The following SRGAP3 variants were observed in gnomAD, a reference collection of about 807,000 sequenced individuals.
SRGAP3 encodes the protein SLIT-ROBO Rho GTPase-activating protein 3.
Under a neutral mutation model 121.1 loss-of-function variants are expected in SRGAP3, and 39 were observed. That is an observed-to-expected ratio of 0.32 (90% CI 0.25 to 0.42). SRGAP3 has a LOEUF of 0.42. SRGAP3 is among the 10% of genes least tolerant of loss of function. The probability of loss-of-function intolerance (pLI) is 1.00; values close to 1 mark genes in which losing one functional copy is unlikely to be tolerated. For synonymous variants in SRGAP3, 601 were observed against 570.0 expected, an observed-to-expected ratio of 1.05 and a Z score of -0.77; for missense variants, 1,213 against 1,470.6, an observed-to-expected ratio of 0.82 and a Z score of 2.86.
At chr3:9,007,075 C>T (rs1274169074) in intron 18 of SRGAP3, 1 of 151,014 alleles carries the variant, frequency 6.6e-6, no homozygotes, top group African/African-American at 2.4e-5. Flanking sequence ...AATTCTCCCA[C>T]TTCAGCCTCC....
rs115934898 is a variant in SRGAP3, at chr3:8,983,187, C to T, written c.*2332G>A. 4,081 of 226,960 alleles carry T rather than the reference C, an allele frequency of 0.018. 59 individuals are homozygous for T. Among genetic ancestry groups the T allele is most frequent in the Non-Finnish European group, 0.022 (2,496 of 114,240 alleles). The allele number at this position is 226,960 out of a possible 1,614,324, so 14.1% of individuals were successfully genotyped here. On this transcript the variant is annotated 3_prime_UTR_variant, in exon 22 of 22. Transcript: ENST00000383836. Reference sequence around the variant, plus strand: ...CTTTAAGAGCCTGACGCAGCCTCTGCTCCTAGCCAGTGTCAAATCTTGGGC... The same window carrying T: ...CTTTAAGAGCCTGACGCAGCCTCTGTTCCTAGCCAGTGTCAAATCTTGGGC...
At chr3:9,274,076 ACTT>A (rs1166155417) in intron 3 of SRGAP3, among the ~76,000 whole-genome samples, 1 of 152,100 alleles carries the variant, frequency 6.6e-6, no homozygotes, top group Non-Finnish European at 1.5e-5. Context: ...AAGACTTTAC[ACTT>A]CTTGAGAGCA....
intron 14 of SRGAP3, among the ~76,000 whole-genome samples, 157 bp downstream of exon 14, chr3:9,025,104 C>CA (rs1023048218): frequency 6.6e-6 from 1 of 152,146 alleles, no homozygotes; most frequent in Non-Finnish European, 1.5e-5. Context: ...AGTACCAGGA[C>CA]AAAGGCACTG....
At chr3:9,033,734 T>C (rs1253300926) in intron 11 of SRGAP3, 1 of 152,268 alleles carries the variant, frequency 6.6e-6, no homozygotes, top group African/African-American at 2.4e-5. Context: ...CAAGTACATT[T>C]TCAATTAAAG....
At chr3:9,044,389 G>C (rs1357567453) in intron 10 of SRGAP3, among the ~76,000 whole-genome samples, 1 of 152,218 alleles carries the variant, frequency 6.6e-6, no homozygotes, top group Non-Finnish European at 1.5e-5. Context: ...AGGACAAAGG[G>C]AGGAATCACA....
rs1944831896 is a variant in SRGAP3 at position 9,037,857 on chromosome 3, G to A, written c.1436+206C>T. ...CCCAAAAGCGCCCCTTCCATCGCCA[G>A]CCTGGAGGGGCGTGGCTTTGTCAGT... On this transcript the variant is annotated intron_variant, in intron 11 of 21. Coordinates refer to ENST00000383836, the MANE Select transcript of SRGAP3 (RefSeq NM_014850.4). 1.5e-5 allele frequency: 10 copies of A among 662,534 alleles called. No individual in the cohort carries two copies. The South Asian group carries it at 1.9e-4, about 12-fold the overall frequency. 41.0% of individuals were successfully genotyped at this position (662,534 alleles called of 1,614,324 possible).
At chr3:9,083,573 G>T (rs751258539) in intron 3 of SRGAP3, among the ~76,000 whole-genome samples, 2 of 152,010 alleles carry the variant, frequency 1.3e-5, no homozygotes, top group Admixed American at 6.5e-5. Context: ...TTGCACAGCT[G>T]CTTGGGATTC....
intron 3 of SRGAP3, among the ~76,000 whole-genome samples, chr3:9,318,275 G>T (rs1955381762): frequency 6.7e-6 from 1 of 150,220 alleles, no homozygotes; most frequent in Non-Finnish European, 1.5e-5. Context: ...CTCCAGCCCA[G>T]CACCCTTTCT....
rs377445818 is a variant in SRGAP3, at chr3:9,053,120, G to A, written c.1230C>T (p.Ser410=). 4.0e-5 allele frequency: 65 copies of A among 1,614,028 alleles called. No homozygotes were observed. The highest frequency in any genetic ancestry group is 1.6e-4 in the Middle Eastern group (1 of 6,072). The part of the protein sequence containing the change: ...DAFQHSRSTE[S]VKSAASETYM... ...AGGTCTCAGAGGCAGCCGACTTGAC[G>A]GACTCTGTCGATCGACTGTGTTGGA... Residue 410 remains serine (S), a synonymous_variant, in exon 9 of 22, where the codon TCC becomes TCT. Transcript: ENST00000383836.
At chr3:9,070,514 G>T (rs1946651267) in intron 4 of SRGAP3, among the ~76,000 whole-genome samples, 2 of 152,346 alleles carry the variant, frequency 1.3e-5, no homozygotes, top group Non-Finnish European at 2.9e-5. Flanking sequence ...ATGAATGAAT[G>T]ACTGGCTGGG....
chr3:9,342,935 G>T (rs1212401194), intron 1 of SRGAP3, among the ~76,000 whole-genome samples: 1 of 152,198 alleles, frequency 6.6e-6, no homozygotes, highest in Non-Finnish European at 1.5e-5. Context: ...TGTCCAACTG[G>T]TCATTCTTGC....
intron 1 of SRGAP3, among the ~76,000 whole-genome samples, chr3:9,160,375 C>T (rs903951405): frequency 1.3e-5 from 2 of 152,128 alleles, no homozygotes; most frequent in Admixed American, 6.5e-5. Context: ...GTGGACTCCT[C>T]CTTATTTTTT....
At chr3:9,134,528 G>A (rs945518806) in intron 1 of SRGAP3, among the ~76,000 whole-genome samples, 4 of 151,888 alleles carry the variant, frequency 2.6e-5, no homozygotes, top group Admixed American at 2.0e-4. Context: ...CCTCTTCTAC[G>A]GATGAAGCAA....
chr3:9,094,123 T>C (rs954975212), intron 3 of SRGAP3, among the ~76,000 whole-genome samples: 13 of 152,232 alleles, frequency 8.5e-5, no homozygotes, highest in Non-Finnish European at 1.6e-4. Flanking sequence ...ATTCTGACAC[T>C]GCTGTGTATT....
chr3:9,103,963 G>T lies in SRGAP3; in HGVS notation c.423+717C>A, dbSNP rs561483333. On this transcript the variant is annotated intron_variant, in intron 3 of 21. Coordinates refer to ENST00000383836, the MANE Select transcript of SRGAP3 (RefSeq NM_014850.4). Reference sequence around the variant, plus strand: ...TACTTTCGACTCTAAAATTCCCACTGCAGAAACTGATCCTAAGAAAGTAAC... The same window carrying T: ...TACTTTCGACTCTAAAATTCCCACTTCAGAAACTGATCCTAAGAAAGTAAC... 2.8e-4 allele frequency among the ~76,000 whole-genome samples: 42 copies of T among 152,306 alleles called. No homozygotes were observed. The East Asian group carries it at 3.1e-3, about 11-fold the overall frequency.
chr3:9,195,959 A>C (rs748880424), intron 1 of SRGAP3, among the ~76,000 whole-genome samples: 4 of 152,180 alleles, frequency 2.6e-5, no homozygotes, highest in Admixed American at 1.3e-4. Flanking sequence ...CTGTCTCCAA[A>C]AAAAACAACA....
At chr3:9,356,191 T>C (rs941671402) in intron 1 of SRGAP3, among the ~76,000 whole-genome samples, 1 of 134,028 alleles carries the variant, frequency 7.5e-6, no homozygotes, top group Admixed American at 7.3e-5. Flanking sequence ...GACTTTTTTT[T>C]CTTTTTTTTT....
At chr3:9,066,690 G>C (rs1474297390) in intron 4 of SRGAP3, among the ~76,000 whole-genome samples, 1 of 152,092 alleles carries the variant, frequency 6.6e-6, no homozygotes, top group Non-Finnish European at 1.5e-5. Flanking sequence ...GTAGAGATGG[G>C]GTTTCACCGT....
intron 4 of SRGAP3, among the ~76,000 whole-genome samples, chr3:9,068,653 T>C (rs1023281348): frequency 6.6e-6 from 1 of 152,242 alleles, no homozygotes; most frequent in African/African-American, 2.4e-5. Context: ...GATGTTTCTT[T>C]TATTTAATTA....
Sources: allele counts gnomAD v4.1 joint callset (sites outside exome capture counted in the v4.1 genomes callset), GRCh38; gene constraint gnomAD v4.1.1; transcripts MANE v1.5; gene names NCBI Gene and HGNC (gene_info 2026-07-23, HGNC 2026-07-21).